The following UTRN variants were observed in gnomAD, a reference collection of about 807,000 sequenced individuals.
The protein encoded by UTRN is utrophin, also known as dystrophin-related protein 1.
Under a neutral mutation model 463.9 loss-of-function variants are expected in UTRN, and 283 were observed. That is an observed-to-expected ratio of 0.61 (90% CI 0.55 to 0.67). The LOEUF (loss-of-function observed/expected upper bound fraction) is 0.67, where lower values mean the gene tolerates loss of function less well. UTRN is among the 30% of genes least tolerant of loss of function. The probability of loss-of-function intolerance (pLI) is 0.00; values close to 1 mark genes in which losing one functional copy is unlikely to be tolerated. For synonymous variants in UTRN, 1,442 were observed against 1,431.5 expected, an observed-to-expected ratio of 1.01 and a Z score of -0.17; for missense variants, 3,922 against 4,084.3, an observed-to-expected ratio of 0.96 and a Z score of 1.08.
intron 2 of UTRN, among the ~76,000 whole-genome samples, chr6:144,383,291 A>G (rs1474790537): frequency 2.0e-5 from 3 of 152,158 alleles, no homozygotes; most frequent in African/African-American, 7.2e-5. Flanking sequence ...CAACTTGTAG[A>G]CCAGAAATAC....
intron 2 of UTRN, among the ~76,000 whole-genome samples, chr6:144,324,022 G>A (rs12662872): frequency 6.6e-6 from 1 of 152,128 alleles, no homozygotes; most frequent in East Asian, 1.9e-4. Flanking sequence ...CTTTCAGCCA[G>A]GATGAGAATT....
chr6:144,306,873 T>C (rs1388811160), intron 2 of UTRN, among the ~76,000 whole-genome samples: 2 of 149,668 alleles, frequency 1.3e-5, no homozygotes, highest in African/African-American at 2.5e-5. Context: ...CTGGCCAACA[T>C]AGTGAAACCC....
rs1242034499 is a variant in UTRN at position 144,608,869 on chromosome 6, A to G, written c.7479+31581A>G. On this transcript the variant is annotated intron_variant, in intron 51 of 74. Coordinates refer to ENST00000367545, the MANE Select transcript of UTRN (RefSeq NM_007124.3). The stretch of plus-strand genomic sequence containing the variant: ...ATCTGCAACTTTTATACTACAAAGT[A>G]AAAACCTATAGTAGTTGCACAAAGT... Among the ~76,000 whole-genome samples the G allele has an allele frequency of 2.0e-5, 3 of 152,354 alleles. No homozygotes were observed. The East Asian group carries it at 5.8e-4, about 29-fold the overall frequency.
chr6:144,315,586 C>T (rs1196540305), intron 2 of UTRN, among the ~76,000 whole-genome samples: 1 of 152,208 alleles, frequency 6.6e-6, no homozygotes, highest in Admixed American at 6.5e-5. Flanking sequence ...CAAGGCAGCC[C>T]TTTTGCGTGG....
At chr6:144,402,874 G>A (rs1224434091) in intron 2 of UTRN, among the ~76,000 whole-genome samples, 2 of 152,098 alleles carry the variant, frequency 1.3e-5, no homozygotes, top group South Asian at 2.1e-4. Flanking sequence ...AGGACTCCGG[G>A]GTTTAGGGTG....
chr6:144,548,706 G>A lies in UTRN; in HGVS notation c.6662G>A (p.Arg2221His). ...TCAGATATTCCTGTTCAGTCTCATC[G>A]TACTTCGGAAATTTCAATTCCTGCT... The part of the protein sequence containing the change: ...SASDIPVQSH[R>H]TSEISIPADL... The change falls in exon 47 of 75, where the codon CGT becomes CAT. Residue 2221 changes from arginine to histidine, a missense_variant. Arg to His is a conservative substitution (Grantham distance 29). Coordinates refer to ENST00000367545, the MANE Select transcript of UTRN (RefSeq NM_007124.3). The A allele has an allele frequency of 3.1e-6, 5 of 1,613,958 alleles. No individual in the cohort carries two copies. Among genetic ancestry groups the A allele is most frequent in the African/African-American group, 1.3e-5 (1 of 75,008 alleles).
intron 71 of UTRN, among the ~76,000 whole-genome samples, chr6:144,838,194 C>T (rs1781262260): frequency 1.3e-5 from 2 of 152,188 alleles, no homozygotes. Flanking sequence ...TCTGTTCACC[C>T]TTGCCTTCCC....
At chr6:144,413,167 A>T (rs967455399) in intron 3 of UTRN, among the ~76,000 whole-genome samples, 1 of 152,190 alleles carries the variant, frequency 6.6e-6, no homozygotes, top group Non-Finnish European at 1.5e-5. Flanking sequence ...GTCATGTGTC[A>T]CATAAGGATG....
chr6:144,836,404 G>A lies in UTRN; in HGVS notation c.9928G>A (p.Glu3310Lys), dbSNP rs1330410314. The change falls in exon 71 of 75, where the codon GAG becomes AAG. Residue 3310 changes from glutamate (E) to lysine (K), a missense_variant. Glu to Lys is a moderately conservative substitution (Grantham distance 56). Transcript: ENST00000367545. ...ESIISPHHTS[E>K]DSELIAEAKL... ...GATTATATCTCCCCATCACACGTCTGAGGATTCAGAACTTATAGCAGAAGC... is the reference window on the plus strand; with the variant it reads ...GATTATATCTCCCCATCACACGTCTAAGGATTCAGAACTTATAGCAGAAGC... 1 of 1,613,508 alleles carries A rather than the reference G, an allele frequency of 6.2e-7. No individual in the cohort carries two copies. Among genetic ancestry groups the A allele is most frequent in the Non-Finnish European group, 8.5e-7 (1 of 1,179,720 alleles).
intron 52 of UTRN, among the ~76,000 whole-genome samples, chr6:144,683,485 C>T (rs1782419082): frequency 6.6e-6 from 1 of 152,128 alleles, no homozygotes; most frequent in Non-Finnish European, 1.5e-5. Flanking sequence ...GCTCCTGGCT[C>T]CTTCATTGCC....
intron 51 of UTRN, among the ~76,000 whole-genome samples, chr6:144,603,929 A>T (rs1173787589): frequency 4.6e-5 from 7 of 152,184 alleles, no homozygotes; most frequent in Non-Finnish European, 8.8e-5. Context: ...GCCTCATATG[A>T]TTTCCATCAA....
chr6:144,689,800 T>C (rs896122462), intron 52 of UTRN, among the ~76,000 whole-genome samples: 1 of 152,002 alleles, frequency 6.6e-6, no homozygotes, highest in African/African-American at 2.4e-5. Flanking sequence ...ACAGGTCACG[T>C]GGGCAGACTC....
At chr6:144,842,025 G>A (rs541085039) in intron 73 of UTRN, among the ~76,000 whole-genome samples, 7 of 144,916 alleles carry the variant, frequency 4.8e-5, no homozygotes, top group East Asian at 2.2e-4. Context: ...CAGGAGAATC[G>A]CTTGAACCTG....
chr6:144,437,705 A>G lies in UTRN; in HGVS notation c.1200A>G (p.Arg400=). The G allele has an allele frequency of 6.2e-7, 1 of 1,614,124 alleles. No individual in the cohort carries two copies. The highest frequency in any genetic ancestry group is 8.5e-7 in the Non-Finnish European group (1 of 1,180,002). ...IQEQMTLLNA[R]WEALRVESMD... The stretch of plus-strand genomic sequence containing the variant: ...AACAGATGACCCTGCTGAATGCTAG[A>G]TGGGAGGCTCTTAGGGTGGAGAGTA... The change falls in exon 11 of 75, where the codon AGA becomes AGG. Residue 400 remains arginine (R), a synonymous_variant. Coordinates refer to ENST00000367545, the MANE Select transcript of UTRN (RefSeq NM_007124.3).
intron 19 of UTRN, among the ~76,000 whole-genome samples, chr6:144,456,594 A>T (rs1294148063): frequency 6.6e-6 from 1 of 151,308 alleles, no homozygotes; most frequent in Non-Finnish European, 1.5e-5. Context: ...CGGAGGTTGC[A>T]GTGAGCTGAG....
intron 3 of UTRN, among the ~76,000 whole-genome samples, chr6:144,412,038 G>C (rs1783939402): frequency 6.6e-6 from 1 of 152,148 alleles, no homozygotes; most frequent in African/African-American, 2.4e-5. Context: ...GGAAAGCAAT[G>C]CTGTGTTTGT....
chr6:144,437,495 A>C, intron 10 of UTRN, 70 bp from the exon 11 acceptor site: 3 of 1,450,414 alleles, frequency 2.1e-6, no homozygotes, highest in Non-Finnish European at 2.7e-6. Flanking sequence ...AGGCATTAGC[A>C]ATTTGTTCAG....
In UTRN at chr6:144,851,170, G is replaced by A. The variant is rs983160712; in HGVS notation, c.*173G>A. 35 of 787,630 alleles carry A rather than the reference G, an allele frequency of 4.4e-5. 1 individual carries two copies. In the South Asian group the frequency reaches 5.8e-4, roughly 13 times the overall value. The allele number at this position is 787,630 out of a possible 1,614,324, so 48.8% of individuals were successfully genotyped here. ...AACACTGACTATCCAAAGAGAAATG[G>A]ATATTTTGTTTTTATAATAACCATA... On this transcript the variant is annotated 3_prime_UTR_variant, in exon 75 of 75. Coordinates refer to ENST00000367545, the MANE Select transcript of UTRN (RefSeq NM_007124.3).
chr6:144,296,306 C>T (rs962204191), intron 2 of UTRN, among the ~76,000 whole-genome samples: 24 of 152,292 alleles, frequency 1.6e-4, no homozygotes, highest in Middle Eastern at 3.4e-3. Flanking sequence ...ACCGCACATG[C>T]GAGGGATCTA....
Sources: gnomAD v4.1 joint callset for allele counts (sites outside exome capture counted in the v4.1 genomes callset) on GRCh38, gnomAD v4.1.1 for gene constraint, MANE v1.5 for transcripts, NCBI Gene and HGNC (gene_info 2026-07-23, HGNC 2026-07-21) for gene names.